RGS6: variants seen among roughly 807,000 people sequenced by gnomAD.
RGS6 encodes regulator of G-protein signaling 6.
A neutral mutation model predicts 78.5 loss-of-function variants in RGS6; 30 were observed. That is an observed-to-expected ratio of 0.38 (90% CI 0.29 to 0.52). The LOEUF (loss-of-function observed/expected upper bound fraction) is 0.52. Among genes scored for constraint, RGS6 ranks in the 20% least tolerant of loss-of-function variants. The probability of loss-of-function intolerance (pLI) is 0.85; values close to 1 mark genes in which losing one functional copy is unlikely to be tolerated. For synonymous variants in RGS6, 206 were observed against 206.0 expected (o/e 1.00, Z 0.00); for missense variants, 495 against 609.7 (o/e 0.81, Z 1.98).
At chr14:72,126,736 G>T (rs924796153) in intron 2 of RGS6, among the ~76,000 whole-genome samples, 2 of 152,202 alleles carry the variant, frequency 1.3e-5, no homozygotes, top group African/African-American at 4.8e-5. Flanking sequence ...CCAATTTCAT[G>T]AGGCTGTTTT....
At chr14:72,077,101 G>C (rs2094605034) in intron 2 of RGS6, among the ~76,000 whole-genome samples, 1 of 151,482 alleles carries the variant, frequency 6.6e-6, no homozygotes, top group South Asian at 2.1e-4. Flanking sequence ...CCAGAGCCTT[G>C]CCAACACTGG....
At chr14:72,101,146 C>T (rs1015484882) in intron 2 of RGS6, among the ~76,000 whole-genome samples, 1 of 152,184 alleles carries the variant, frequency 6.6e-6, no homozygotes. Flanking sequence ...CTACTGCACT[C>T]TAACTTGGGC....
chr14:72,256,916 T>TG lies in RGS6; in HGVS notation c.85-95175dup, dbSNP rs368448850. On this transcript the variant is annotated intron_variant, in intron 2 of 17. Coordinates refer to ENST00000553525, the MANE Select transcript of RGS6 (RefSeq NM_001204424.2). ...GCTGTCAACTTAGTGATGTTGAGAT[T>TG]GGGGCTAGGCCTGCAGTAATCCTCT... is the stretch of plus-strand genomic sequence containing the variant. Among the ~76,000 whole-genome samples the TG allele has an allele frequency of 3.1e-3, 468 of 152,322 alleles. 1 individual carries two copies. Among genetic ancestry groups the TG allele is most frequent in the African/African-American group, 0.011 (452 of 41,576 alleles).
chr14:72,371,246 A>C (rs2083448639), intron 3 of RGS6, among the ~76,000 whole-genome samples: 1 of 152,206 alleles, frequency 6.6e-6, no homozygotes, highest in Admixed American at 6.5e-5. Flanking sequence ...GTGAAAGCAA[A>C]GGCATATCTC....
intron 2 of RGS6, among the ~76,000 whole-genome samples, chr14:71,998,715 C>G (rs1246462648): frequency 6.6e-6 from 1 of 152,226 alleles, no homozygotes; most frequent in Non-Finnish European, 1.5e-5. Flanking sequence ...TCCTGAATCT[C>G]TAGATGCAGA....
At chr14:72,276,397 G>C (rs1375796387) in intron 2 of RGS6, among the ~76,000 whole-genome samples, 1 of 152,138 alleles carries the variant, frequency 6.6e-6, no homozygotes, top group Non-Finnish European at 1.5e-5. Context: ...ATAAATTGCA[G>C]AATATACATG....
chr14:72,217,434 G>A (rs1168219216), intron 2 of RGS6, among the ~76,000 whole-genome samples: 3 of 152,156 alleles, frequency 2.0e-5, no homozygotes, highest in Non-Finnish European at 4.4e-5. Flanking sequence ...AGAATCTCCT[G>A]TAAAAATGCA....
In RGS6 at chr14:72,098,425, G is replaced by A. The variant is rs189026811; in HGVS notation, c.84+133550G>A. 2.6e-4 allele frequency among the ~76,000 whole-genome samples: 40 copies of A among 152,334 alleles called. 1 individual carries two copies. In the East Asian group the frequency reaches 7.1e-3, roughly 27 times the overall value. On this transcript the variant is annotated intron_variant, in intron 2 of 17. Coordinates refer to ENST00000553525, the MANE Select transcript of RGS6 (RefSeq NM_001204424.2). ...TATCTGCTGAACACTAGCACTCCCC[G>A]TGCCTTCATGCCATCAGGCAGGGGG...
intron 2 of RGS6, among the ~76,000 whole-genome samples, chr14:72,057,051 G>A (rs992730704): frequency 6.6e-6 from 1 of 151,928 alleles, no homozygotes; most frequent in Admixed American, 6.6e-5. Flanking sequence ...CAGTGGCTCC[G>A]ACTTGTAATC....
Position 71,972,136 on chromosome 14 carries a change from C to A in RGS6, c.84+7261C>A, listed in dbSNP as rs2093850035. 2.0e-5 allele frequency among the ~76,000 whole-genome samples: 3 copies of A among 151,972 alleles called. No homozygotes were observed. In the South Asian group the frequency reaches 6.2e-4, roughly 32 times the overall value. The stretch of plus-strand genomic sequence containing the variant: ...TTGTCATTTACATTAGGTATTTCTC[C>A]TAATGCTATCCCTCCCCCAGCCCAA... On this transcript the variant is annotated intron_variant, in intron 2 of 17. Transcript: ENST00000553525.
intron 2 of RGS6, among the ~76,000 whole-genome samples, chr14:72,183,178 G>A (rs1446763440): frequency 2.0e-5 from 3 of 152,172 alleles, no homozygotes; most frequent in African/African-American, 4.8e-5. Context: ...TTAAAATGAG[G>A]TTAAGCCAAG....
the RGS6 span, among the ~76,000 whole-genome samples, chr14:71,870,397 G>A: frequency 6.6e-6 from 1 of 152,146 alleles, no homozygotes; most frequent in Non-Finnish European, 1.5e-5. Context: ...TGTTGAGGGT[G>A]GGAAGGTGAA....
At chr14:72,547,378 C>CCG in intron 17 of RGS6, 1 of 1,398,470 alleles carries the variant, frequency 7.2e-7, no homozygotes, top group African/African-American at 1.5e-5. Flanking sequence ...GTAAGACCCC[C>CCG]CCCCGACCCA....
At chr14:72,497,993 G>A (rs1170709830) in intron 13 of RGS6, among the ~76,000 whole-genome samples, 1 of 151,914 alleles carries the variant, frequency 6.6e-6, no homozygotes, top group Admixed American at 6.6e-5. Flanking sequence ...TATATTCAAA[G>A]GATACAATTT....
intron 2 of RGS6, chr14:71,990,620 C>T: frequency 4.4e-6 from 2 of 455,982 alleles, no homozygotes; most frequent in Non-Finnish European, 8.8e-6. Flanking sequence ...CTGCATATTC[C>T]TTCTTCGTCT....
chr14:71,989,247 C>T (rs2153175052), intron 2 of RGS6, among the ~76,000 whole-genome samples: 2 of 152,362 alleles, frequency 1.3e-5, no homozygotes, highest in Admixed American at 1.3e-4. Flanking sequence ...ATGCCTGGGC[C>T]TCCCCTGTAA....
intron 2 of RGS6, among the ~76,000 whole-genome samples, chr14:72,245,117 T>C (rs2053896117): frequency 6.6e-6 from 1 of 152,252 alleles, no homozygotes; most frequent in Admixed American, 6.5e-5. Flanking sequence ...CTCTTCTTTC[T>C]ACCTGTCTTA....
At chr14:72,624,083 T>C in the RGS6 span, among the ~76,000 whole-genome samples, 6 of 152,174 alleles carry the variant, frequency 3.9e-5, no homozygotes, top group African/African-American at 1.4e-4. Context: ...ACATATTTTT[T>C]AAAACCTTAG....
At chr14:72,353,140 T>A (rs1025069301) in intron 3 of RGS6, among the ~76,000 whole-genome samples, 1 of 152,176 alleles carries the variant, frequency 6.6e-6, no homozygotes, top group African/African-American at 2.4e-5. Flanking sequence ...GTTTGGCAGT[T>A]TCTTACACAG....
Sources: allele counts gnomAD v4.1 joint callset (sites outside exome capture counted in the v4.1 genomes callset), GRCh38; gene constraint gnomAD v4.1.1; transcripts MANE v1.5; gene names NCBI Gene and HGNC (gene_info 2026-07-23, HGNC 2026-07-21).